NEGR1: variants seen among roughly 807,000 people sequenced by gnomAD.
NEGR1 encodes the protein neuronal growth regulator 1, also known as IgLON family member 4.
NEGR1 carries 10 observed loss-of-function variants against 40.9 expected under a neutral mutation model. The observed-to-expected ratio is 0.24, with a 90% CI of 0.15 to 0.42. The LOEUF is 0.42. NEGR1 is among the 10% of genes least tolerant of loss of function. The pLI is 1.00. For synonymous variants in NEGR1, 185 were observed against 166.8 expected (o/e 1.11, Z -0.84); for missense variants, 352 against 438.9 (o/e 0.80, Z 1.77).
chr1:71,810,052 C>A (rs577183253), intron 2 of NEGR1, among the ~76,000 whole-genome samples: 1 of 152,120 alleles, frequency 6.6e-6, no homozygotes, highest in African/African-American at 2.4e-5. Flanking sequence ...GAACCATAAG[C>A]TGCTCATGTT....
At chr1:71,475,163 A>C (rs1646811697) in intron 6 of NEGR1, among the ~76,000 whole-genome samples, 1 of 152,060 alleles carries the variant, frequency 6.6e-6, no homozygotes, top group African/African-American at 2.4e-5. Context: ...AGCAAACATT[A>C]ACATTCATTA....
At chr1:72,014,650 C>A (rs1646693104) in intron 1 of NEGR1, among the ~76,000 whole-genome samples, 1 of 151,880 alleles carries the variant, frequency 6.6e-6, no homozygotes, top group African/African-American at 2.4e-5. Context: ...ATATTATATT[C>A]ATATACCAAG....
chr1:71,839,682 G>T (rs757919022), intron 2 of NEGR1, among the ~76,000 whole-genome samples: 2 of 152,152 alleles, frequency 1.3e-5, no homozygotes, highest in Non-Finnish European at 2.9e-5. Flanking sequence ...TTCATTTGCA[G>T]AGTTGGGCAT....
At chr1:71,746,581 T>C (rs11209831) in intron 3 of NEGR1, among the ~76,000 whole-genome samples, 74,888 of 151,602 alleles carry the variant, frequency 0.49, 18,849 homozygotes, top group East Asian at 0.78. Flanking sequence ...TTCTTGTTAA[T>C]TCTCCCTGGA....
chr1:71,708,907 C>A (rs1010998691), intron 3 of NEGR1, among the ~76,000 whole-genome samples: 14 of 152,154 alleles, frequency 9.2e-5, no homozygotes, highest in African/African-American at 3.4e-4. Flanking sequence ...CATGTCCCTG[C>A]AAAGGACAAG....
intron 1 of NEGR1, among the ~76,000 whole-genome samples, chr1:71,937,254 T>TA (rs1309488851): frequency 1.3e-5 from 2 of 152,186 alleles, no homozygotes. Context: ...TAAAACCCCT[T>TA]TAATGATGTA....
chr1:71,829,310 T>G (rs1425020044), intron 2 of NEGR1, among the ~76,000 whole-genome samples: 2 of 151,942 alleles, frequency 1.3e-5, no homozygotes, highest in East Asian at 3.9e-4. Context: ...CCAGCATATC[T>G]CTGGCATCAC....
intron 1 of NEGR1, among the ~76,000 whole-genome samples, chr1:72,074,902 G>A (rs906288555): frequency 1.3e-5 from 2 of 151,880 alleles, no homozygotes; most frequent in Non-Finnish European, 1.5e-5. Context: ...CTCTCTTAAT[G>A]TTTCTAATAT....
chr1:72,162,060 G>A (rs933032639), intron 1 of NEGR1, among the ~76,000 whole-genome samples: 3 of 151,988 alleles, frequency 2.0e-5, no homozygotes, highest in Non-Finnish European at 4.4e-5. Flanking sequence ...TGTGCTGTTA[G>A]AAGTTATGGA....
intron 1 of NEGR1, among the ~76,000 whole-genome samples, chr1:71,955,970 T>C (rs1044011416): frequency 2.0e-5 from 3 of 151,900 alleles, no homozygotes; most frequent in African/African-American, 7.3e-5. Context: ...AAAATGAAGA[T>C]GTTTTGAAGA....
intron 1 of NEGR1, among the ~76,000 whole-genome samples, chr1:72,135,792 T>C (rs1160954699): frequency 1.3e-5 from 2 of 152,190 alleles, no homozygotes; most frequent in Non-Finnish European, 2.9e-5. Context: ...AATAACTATC[T>C]GAACAAAATT....
intron 6 of NEGR1, among the ~76,000 whole-genome samples, chr1:71,430,337 G>A (rs1646457857): frequency 6.6e-6 from 1 of 152,050 alleles, no homozygotes; most frequent in South Asian, 2.1e-4. Flanking sequence ...GCTGGGTATT[G>A]CCCTAACATA....
intron 1 of NEGR1, among the ~76,000 whole-genome samples, chr1:72,001,265 T>A (rs183850945): frequency 2.6e-5 from 4 of 152,120 alleles, no homozygotes; most frequent in Admixed American, 2.6e-4. Flanking sequence ...CTTATTAAAC[T>A]TCTGCTCTAA....
intron 2 of NEGR1, among the ~76,000 whole-genome samples, chr1:71,905,046 T>C (rs1016738704): frequency 4.6e-5 from 7 of 152,084 alleles, no homozygotes; most frequent in African/African-American, 1.7e-4. Context: ...ATGTGAAAGA[T>C]TTTTCTTCTT....
chr1:71,571,123 CAT>C (rs1557571284), intron 6 of NEGR1: 3 of 152,150 alleles, frequency 2.0e-5, no homozygotes, highest in Admixed American at 2.0e-4. Flanking sequence ...TGTGAAAATT[CAT>C]ATTAGAAAGT....
chr1:71,910,090 G>T (rs1255394040), intron 2 of NEGR1, among the ~76,000 whole-genome samples: 1 of 152,098 alleles, frequency 6.6e-6, no homozygotes, highest in Non-Finnish European at 1.5e-5. Flanking sequence ...TAAAAGTAAT[G>T]CCACATACTT....
intron 1 of NEGR1, among the ~76,000 whole-genome samples, chr1:71,942,966 A>G (rs529376688): frequency 6.2e-5 from 9 of 144,356 alleles, no homozygotes; most frequent in African/African-American, 2.3e-4. Flanking sequence ...TTTGTTTTAT[A>G]TATATATATA....
chr1:71,990,249 C>T, intron 1 of NEGR1, among the ~76,000 whole-genome samples: 1 of 152,144 alleles, frequency 6.6e-6, no homozygotes, highest in Non-Finnish European at 1.5e-5. Context: ...TCACAGCTAC[C>T]TGACTCCCCA....
chr1:72,187,586 A>G (rs1464523887), intron 1 of NEGR1, among the ~76,000 whole-genome samples: 1 of 151,416 alleles, frequency 6.6e-6, no homozygotes, highest in Non-Finnish European at 1.5e-5. Context: ...GCCCAGGACC[A>G]AAACAAACAA....
Sources: gnomAD v4.1 joint callset for allele counts (sites outside exome capture counted in the v4.1 genomes callset) on GRCh38, gnomAD v4.1.1 for gene constraint, MANE v1.5 for transcripts, NCBI Gene and HGNC (gene_info 2026-07-23, HGNC 2026-07-21) for gene names.